FGGY: variants seen among roughly 807,000 people sequenced by gnomAD.
FGGY encodes the protein FGGY carbohydrate kinase domain containing, also known as FGGY carbohydrate kinase domain-containing protein.
In FGGY, 72 loss-of-function variants were observed where a neutral mutation model predicts 71.3. That is an observed-to-expected ratio of 1.01 (90% CI 0.84 to 1.23). The LOEUF is 1.23. Among genes scored for constraint, FGGY ranks in the 50% most tolerant of loss-of-function variants. The pLI is 0.00. For synonymous variants in FGGY, 251 were observed against 250.3 expected, an observed-to-expected ratio of 1.00 and a Z score of -0.02; for missense variants, 668 against 682.3, an observed-to-expected ratio of 0.98 and a Z score of 0.23.
chr1:59,436,275 G>T (rs146974738), intron 5 of FGGY, among the ~76,000 whole-genome samples: 92 of 151,922 alleles, frequency 6.1e-4, no homozygotes, highest in African/African-American at 2.1e-3. Flanking sequence ...CCCACGGCAG[G>T]CACCCTCTGC....
At chr1:59,733,455 TGTTTTG>T (rs1558940787) in intron 14 of FGGY, among the ~76,000 whole-genome samples, 1 of 118,882 alleles carries the variant, frequency 8.4e-6, no homozygotes, top group East Asian at 2.4e-4. Flanking sequence ...TGTTTTGTTT[TGTTTTG>T]TTTTTTTGTT....
At chr1:59,436,521 G>A (rs1642139711) in intron 5 of FGGY, among the ~76,000 whole-genome samples, 1 of 152,086 alleles carries the variant, frequency 6.6e-6, no homozygotes, top group Non-Finnish European at 1.5e-5. Flanking sequence ...CTTCTGCCCT[G>A]GCTCGTTAGG....
intron 6 of FGGY, among the ~76,000 whole-genome samples, chr1:59,472,228 G>GGCCGGCTCC (rs1490580344): frequency 1.3e-5 from 2 of 152,182 alleles, no homozygotes; most frequent in East Asian, 3.9e-4. Flanking sequence ...TGGAGCGGTC[G>GGCCGGCTCC]GCCGGCTCCA....
At chr1:59,744,306 C>T (rs918506632) in intron 14 of FGGY, among the ~76,000 whole-genome samples, 4 of 152,090 alleles carry the variant, frequency 2.6e-5, no homozygotes, top group Non-Finnish European at 5.9e-5. Context: ...CTGCAACCTC[C>T]GCCTTCTGGA....
At chr1:59,643,836 C>G (rs1302383128) in intron 11 of FGGY, among the ~76,000 whole-genome samples, 1 of 152,186 alleles carries the variant, frequency 6.6e-6, no homozygotes, top group Non-Finnish European at 1.5e-5. Context: ...GCCTTATGGT[C>G]AAACAGTTAT....
intron 8 of FGGY, among the ~76,000 whole-genome samples, chr1:59,584,434 A>T (rs2096248720): frequency 6.7e-6 from 1 of 150,092 alleles, no homozygotes; most frequent in African/African-American, 2.5e-5. Flanking sequence ...GATTATCTCA[A>T]TAGATGCAGA....
At chr1:59,538,645 C>T (rs983955568) in intron 7 of FGGY, among the ~76,000 whole-genome samples, 1 of 151,446 alleles carries the variant, frequency 6.6e-6, no homozygotes, top group Non-Finnish European at 1.5e-5. Context: ...ACATATACAC[C>T]ATGGAATACT....
intron 15 of FGGY, among the ~76,000 whole-genome samples, chr1:59,760,945 T>C (rs902426782): frequency 2.0e-5 from 3 of 152,244 alleles, no homozygotes; most frequent in Admixed American, 6.5e-5. Flanking sequence ...CTACAACTAA[T>C]AAATTTGGAT....
At chr1:59,740,754 C>T (rs779856341) in intron 14 of FGGY, among the ~76,000 whole-genome samples, 2 of 152,202 alleles carry the variant, frequency 1.3e-5, no homozygotes, top group East Asian at 1.9e-4. Context: ...TATCCATTCA[C>T]TCTATGTTTA....
intron 6 of FGGY, among the ~76,000 whole-genome samples, chr1:59,495,791 G>A (rs1351834432): frequency 2.0e-5 from 3 of 152,120 alleles, no homozygotes; most frequent in Admixed American, 6.5e-5. Context: ...TCAGATTGTT[G>A]TAGGTGTGTG....
intron 13 of FGGY, among the ~76,000 whole-genome samples, chr1:59,667,789 C>T (rs753384125): frequency 1.3e-5 from 2 of 152,134 alleles, no homozygotes; most frequent in Non-Finnish European, 2.9e-5. Flanking sequence ...AACTCACAGT[C>T]TATTGAGGAA....
At chr1:59,468,575 G>T (rs1162524568) in intron 6 of FGGY, among the ~76,000 whole-genome samples, 3 of 152,090 alleles carry the variant, frequency 2.0e-5, no homozygotes, top group Non-Finnish European at 4.4e-5. Flanking sequence ...CTAAAAATTT[G>T]TAAGTAAAGA....
Position 59,652,247 on chromosome 1 carries a change from C to T in FGGY, c.1222-7972C>T, listed in dbSNP as rs1474481765. Among the ~76,000 whole-genome samples, 901 of 146,942 alleles carry T rather than the reference C, an allele frequency of 6.1e-3. 10 individuals carry two copies. The highest frequency in any genetic ancestry group is 0.021 in the African/African-American group (840 of 39,762). ...TTATGTGTCTTGGAGTTGCTCTTCT[C>T]GAGGAGTATCTTTGTGGCATTCTCT... On this transcript the variant is annotated intron_variant, in intron 11 of 15. Transcript: ENST00000303721.
intron 2 of FGGY, among the ~76,000 whole-genome samples, chr1:59,330,043 G>T (rs954310557): frequency 1.3e-5 from 2 of 152,156 alleles, no homozygotes; most frequent in African/African-American, 4.8e-5. Flanking sequence ...CTTATTAAAT[G>T]TTTTCACAGT....
intron 14 of FGGY, among the ~76,000 whole-genome samples, chr1:59,726,388 T>C (rs2100788852): frequency 6.6e-6 from 1 of 152,256 alleles, no homozygotes. Flanking sequence ...ATTTTGGCTT[T>C]CTTTTTTTAA....
chr1:59,463,898 T>C (rs571490928), intron 6 of FGGY, among the ~76,000 whole-genome samples: 1 of 152,204 alleles, frequency 6.6e-6, no homozygotes, highest in South Asian at 2.1e-4. Context: ...AGATTTAGAC[T>C]CCCACACAAT....
rs769139047 is a variant in FGGY at position 59,554,117 on chromosome 1, C to T, written c.800-7C>T. 6 of 1,586,966 alleles carry T rather than the reference C, an allele frequency of 3.8e-6. No individual in the cohort carries two copies. Among genetic ancestry groups the T allele is most frequent in the Non-Finnish European group, 5.2e-6 (6 of 1,159,460 alleles). ...AGAGGATTTGTTTTTGTTTTCCTTTCTCACAGGAGTGATTGGGGCAGATGT... is the reference window on the plus strand; with the variant it reads ...AGAGGATTTGTTTTTGTTTTCCTTTTTCACAGGAGTGATTGGGGCAGATGT... On this transcript the variant is annotated splice_polypyrimidine_tract_variant and splice_region_variant and intron_variant, in intron 7 of 15. Coordinates refer to ENST00000303721, the MANE Select transcript of FGGY (RefSeq NM_018291.5).
At chr1:59,303,683 T>A (rs1378224373) in intron 1 of FGGY, among the ~76,000 whole-genome samples, 1 of 152,182 alleles carries the variant, frequency 6.6e-6, no homozygotes, top group African/African-American at 2.4e-5. Flanking sequence ...CTGTACTGTT[T>A]GCCATAATGC....
chr1:59,429,854 G>A (rs926061537), intron 5 of FGGY, among the ~76,000 whole-genome samples: 3 of 152,210 alleles, frequency 2.0e-5, no homozygotes, highest in African/African-American at 7.2e-5. Flanking sequence ...GACAACAGGT[G>A]CAGATTTTGT....
Sources: gnomAD v4.1 joint callset for allele counts (sites outside exome capture counted in the v4.1 genomes callset) on GRCh38, gnomAD v4.1.1 for gene constraint, MANE v1.5 for transcripts, NCBI Gene and HGNC (gene_info 2026-07-23, HGNC 2026-07-21) for gene names.